The following FUT9 variants were observed in gnomAD, a reference collection of about 807,000 sequenced individuals.
FUT9 encodes the protein fucosyltransferase 9.
FUT9 carries 15 observed loss-of-function variants against 29.7 expected under a neutral mutation model. That is an observed-to-expected ratio of 0.51 (90% confidence interval 0.34 to 0.78). The LOEUF (loss-of-function observed/expected upper bound fraction) is 0.78, where lower values mean the gene tolerates loss of function less well. Among genes scored for constraint, FUT9 ranks in the 30% least tolerant of loss-of-function variants. The probability of loss-of-function intolerance (pLI) is 0.01; values close to 1 mark genes in which losing one functional copy is unlikely to be tolerated. For missense variants in FUT9, 319 were observed against 425.4 expected, an observed-to-expected ratio of 0.75 and a Z score of 2.20; for synonymous variants, 169 against 153.7, an observed-to-expected ratio of 1.10 and a Z score of -0.74.
At position 96,088,152 on chromosome 6, in the gene FUT9, A is replaced by AT. The variant is rs1379041498; in HGVS notation, c.-97-25886dup. Reference sequence around the variant, plus strand: ...AATATCTAATGTAAATGACAAGTTGATGGATGCAGCAAACCAACAAGGCAC... The same window carrying AT: ...AATATCTAATGTAAATGACAAGTTGATTGGATGCAGCAAACCAACAAGGCAC... On this transcript the variant is annotated intron_variant, in intron 1 of 2. Transcript: ENST00000302103. Among the ~76,000 whole-genome samples, 54 of 152,258 alleles carry AT rather than the reference A, an allele frequency of 3.5e-4. 1 individual carries two copies. Among genetic ancestry groups the AT allele is most frequent in the African/African-American group, 1.2e-3 (51 of 41,562 alleles).
rs558648166 is a variant in FUT9, at chr6:96,035,433, C to A, written c.-98+19221C>A. ...ACACTCTTCATCTCATCTTCCTTTG[C>A]CACCCATAACCTTATTTTCTCTTAT... On this transcript the variant is annotated intron_variant, in intron 1 of 2. Coordinates refer to ENST00000302103, the MANE Select transcript of FUT9 (RefSeq NM_006581.4). Among the ~76,000 whole-genome samples the A allele has an allele frequency of 4.0e-5, 6 of 151,154 alleles. No individual in the cohort carries two copies. The South Asian group carries it at 1.2e-3, about 31-fold the overall frequency.
chr6:96,029,071 C>T (rs1770216449), intron 1 of FUT9, among the ~76,000 whole-genome samples: 1 of 151,456 alleles, frequency 6.6e-6, no homozygotes, highest in South Asian at 2.1e-4. Context: ...AAACAAATAT[C>T]TAGGTTTTCA....
At chr6:96,098,484 C>T (rs1454050723) in intron 1 of FUT9, among the ~76,000 whole-genome samples, 2 of 152,178 alleles carry the variant, frequency 1.3e-5, no homozygotes, top group Non-Finnish European at 2.9e-5. Flanking sequence ...ATTCTATTGC[C>T]CTAGTGGACT....
intron 1 of FUT9, among the ~76,000 whole-genome samples, chr6:96,091,759 A>C (rs890708284): frequency 7.2e-5 from 11 of 152,210 alleles, no homozygotes; most frequent in African/African-American, 2.6e-4. Flanking sequence ...TCTTTGCAAT[A>C]CTGCTGCAAT....
intron 1 of FUT9, among the ~76,000 whole-genome samples, chr6:96,095,628 A>G (rs1338260408): frequency 6.6e-6 from 1 of 151,862 alleles, no homozygotes; most frequent in Non-Finnish European, 1.5e-5. Flanking sequence ...ATCACTGGCA[A>G]TTTTTTTTAT....
chr6:96,068,017 A>G (rs1770992733), intron 1 of FUT9, among the ~76,000 whole-genome samples: 1 of 152,134 alleles, frequency 6.6e-6, no homozygotes, highest in African/African-American at 2.4e-5. Flanking sequence ...ATCATACATC[A>G]TTTTTATCAT....
chr6:96,198,372 G>T (rs1223750711), intron 2 of FUT9, among the ~76,000 whole-genome samples: 2 of 151,438 alleles, frequency 1.3e-5, no homozygotes, highest in Non-Finnish European at 1.5e-5. Context: ...GCAGTGTTTG[G>T]TTTTTTGTTC....
chr6:96,078,408 C>CT (rs71012536), intron 1 of FUT9, among the ~76,000 whole-genome samples: 3,942 of 43,672 alleles, frequency 0.09, 1,248 homozygotes, highest in African/African-American at 0.16. Context: ...TATTAGTCTT[C>CT]TTTTTTTTTT....
chr6:96,131,930 A>G (rs553631692), intron 2 of FUT9, among the ~76,000 whole-genome samples: 1 of 152,090 alleles, frequency 6.6e-6, no homozygotes, highest in Non-Finnish European at 1.5e-5. Context: ...TATTTTTCCT[A>G]TCATCACAGT....
chr6:96,089,414 G>C (rs554277168), intron 1 of FUT9, among the ~76,000 whole-genome samples: 29 of 152,278 alleles, frequency 1.9e-4, no homozygotes, highest in African/African-American at 6.7e-4. Context: ...AACCTGTCAG[G>C]AATCTGGGGA....
chr6:96,177,123 T>A (rs1425270845), intron 2 of FUT9, among the ~76,000 whole-genome samples: 1 of 152,172 alleles, frequency 6.6e-6, no homozygotes, highest in East Asian at 1.9e-4. Flanking sequence ...CTCACTTAGA[T>A]CAAACCCAGA....
At position 96,212,137 on chromosome 6, in the gene FUT9, C is replaced by T. The variant is rs1773949224; in HGVS notation, c.*7902C>T. The T allele has an allele frequency of 2.4e-6, 1 of 412,426 alleles. No homozygotes were observed. Among genetic ancestry groups the T allele is most frequent in the Non-Finnish European group, 4.4e-6 (1 of 225,614 alleles). 25.5% of individuals were successfully genotyped at this position (412,426 alleles called of 1,614,324 possible). Reference sequence around the variant, plus strand: ...CAGTATCCAAAGGCTAAATTAACAACCCAGGACTACCACTCATTATGTGAG... The same window carrying T: ...CAGTATCCAAAGGCTAAATTAACAATCCAGGACTACCACTCATTATGTGAG... On this transcript the variant is annotated 3_prime_UTR_variant, in exon 3 of 3. Transcript: ENST00000302103.
At chr6:96,035,971 AATACATT>A in intron 1 of FUT9, among the ~76,000 whole-genome samples, 1 of 66,724 alleles carries the variant, frequency 1.5e-5, no homozygotes, top group East Asian at 4.6e-4. Context: ...AATATAATAT[AATACATT>A]ATGTTTATTA....
At chr6:96,167,957 A>G (rs1172030425) in intron 2 of FUT9, among the ~76,000 whole-genome samples, 1 of 152,188 alleles carries the variant, frequency 6.6e-6, no homozygotes, top group Non-Finnish European at 1.5e-5. Flanking sequence ...GACTATAAAT[A>G]TAAGTTGAAG....
At chr6:96,054,727 A>G (rs576430334) in intron 1 of FUT9, among the ~76,000 whole-genome samples, 2 of 152,316 alleles carry the variant, frequency 1.3e-5, no homozygotes, top group South Asian at 4.1e-4. Flanking sequence ...ATATTACCTT[A>G]TAAACTTGTT....
rs564200136 is a variant in FUT9, at chr6:96,181,902, T to A, written c.-8-21246T>A. Among the ~76,000 whole-genome samples, 5 of 152,216 alleles carry A rather than the reference T, an allele frequency of 3.3e-5. No homozygotes were observed. In the South Asian group the frequency reaches 8.3e-4, roughly 25 times the overall value. ...TACTATAAACATTCATGTGCAAGTA[T>A]CTTTTTTGTATAACAACTACTTTTT... is the stretch of plus-strand genomic sequence containing the variant. On this transcript the variant is annotated intron_variant, in intron 2 of 2. Coordinates refer to ENST00000302103, the MANE Select transcript of FUT9 (RefSeq NM_006581.4).
chr6:96,107,923 A>G (rs1370631940), intron 1 of FUT9, among the ~76,000 whole-genome samples: 1 of 152,150 alleles, frequency 6.6e-6, no homozygotes, highest in Non-Finnish European at 1.5e-5. Flanking sequence ...AAGATTTCAG[A>G]TAATGAAAAT....
chr6:96,181,549 ATACAC>A (rs1455290635), intron 2 of FUT9, among the ~76,000 whole-genome samples: 3 of 151,632 alleles, frequency 2.0e-5, no homozygotes, highest in African/African-American at 7.3e-5. Flanking sequence ...ACCAAGCAGT[ATACAC>A]TGCACCCTAT....
At chr6:96,030,472 C>T (rs1770243022) in intron 1 of FUT9, among the ~76,000 whole-genome samples, 1 of 151,470 alleles carries the variant, frequency 6.6e-6, no homozygotes, top group South Asian at 2.1e-4. Context: ...AAATCATGAC[C>T]TTACCAAGTC....
Sources: allele counts gnomAD v4.1 joint callset (sites outside exome capture counted in the v4.1 genomes callset), GRCh38; gene constraint gnomAD v4.1.1; transcripts MANE v1.5; gene names NCBI Gene and HGNC (gene_info 2026-07-23, HGNC 2026-07-21).